Variants in AGBL4 observed in about 807,000 individuals in gnomAD.
AGBL4 encodes cytosolic carboxypeptidase 6.
Under a neutral mutation model 66.4 loss-of-function variants are expected in AGBL4, and 58 were observed. That is an observed-to-expected ratio of 0.87 (90% CI 0.71 to 1.09). AGBL4 has a LOEUF of 1.09. Among genes scored for constraint, AGBL4 ranks in the 50% least tolerant of loss-of-function variants. The pLI is 0.00. For missense variants in AGBL4, 579 were observed against 631.0 expected (o/e 0.92, Z 0.88); for synonymous variants, 234 against 222.9 (o/e 1.05, Z -0.44).
intron 1 of AGBL4, among the ~76,000 whole-genome samples, chr1:49,984,628 A>G (rs1659350710): frequency 6.6e-6 from 1 of 152,158 alleles, no homozygotes; most frequent in African/African-American, 2.4e-5. Flanking sequence ...CACACTTCCC[A>G]GCCTGCAGTA....
At chr1:49,436,736 G>A (rs929685069) in intron 3 of AGBL4, among the ~76,000 whole-genome samples, 1 of 152,132 alleles carries the variant, frequency 6.6e-6, no homozygotes, top group Non-Finnish European at 1.5e-5. Context: ...GGAAGGGGGT[G>A]TAGTTCCGAC....
At chr1:49,592,782 A>G (rs1404649577) in intron 3 of AGBL4, among the ~76,000 whole-genome samples, 2 of 152,182 alleles carry the variant, frequency 1.3e-5, no homozygotes, top group Non-Finnish European at 2.9e-5. Flanking sequence ...CATATATACT[A>G]TTGGTGGGAA....
intron 11 of AGBL4, among the ~76,000 whole-genome samples, chr1:48,541,283 T>C (rs1182650240): frequency 1.3e-5 from 2 of 152,144 alleles, no homozygotes; most frequent in African/African-American, 2.4e-5. Context: ...TCTCCTAGGT[T>C]TTCCCACAAC....
rs533302352 is a variant in AGBL4, at chr1:49,098,795, C to T, written c.378-52995G>A. Among the ~76,000 whole-genome samples, 36 of 152,288 alleles carry T rather than the reference C, an allele frequency of 2.4e-4. No homozygotes were observed. The East Asian group carries it at 3.3e-3, about 14-fold the overall frequency. ...CTTCACAGGTGAGGCTGGAGCTTGG[C>T]GCACACTGCCTTTCTCCCACATGTG... On this transcript the variant is annotated intron_variant, in intron 4 of 13. Coordinates refer to ENST00000371839, the MANE Select transcript of AGBL4 (RefSeq NM_032785.4).
At chr1:49,017,928 C>G (rs1307271818) in intron 5 of AGBL4, among the ~76,000 whole-genome samples, 1 of 152,094 alleles carries the variant, frequency 6.6e-6, no homozygotes, top group African/African-American at 2.4e-5. Context: ...AGAAGACAAC[C>G]TAGAGGAAGA....
chr1:49,180,484 G>T (rs1389837446), intron 4 of AGBL4, among the ~76,000 whole-genome samples: 1 of 152,152 alleles, frequency 6.6e-6, no homozygotes, highest in African/African-American at 2.4e-5. Flanking sequence ...GCTCAGAAAG[G>T]TTAAATCATC....
chr1:49,312,158 T>G (rs944779875), intron 3 of AGBL4, among the ~76,000 whole-genome samples: 1 of 152,012 alleles, frequency 6.6e-6, no homozygotes, highest in South Asian at 2.1e-4. Context: ...TATTAAGAGG[T>G]GGCACCTTTA....
intron 3 of AGBL4, among the ~76,000 whole-genome samples, chr1:49,497,015 A>G (rs1321750345): frequency 1.3e-5 from 2 of 151,912 alleles, no homozygotes; most frequent in Non-Finnish European, 1.5e-5. Flanking sequence ...CCTTTTCTCC[A>G]TATCATGGTT....
intron 4 of AGBL4, among the ~76,000 whole-genome samples, chr1:49,207,591 T>TTTCTTTCTTTCTTTCTTTCTTTCTTTCC: frequency 6.7e-6 from 1 of 148,460 alleles, no homozygotes; most frequent in Non-Finnish European, 1.5e-5. Context: ...TCTTTCTTTC[T>TTTCTTTCTTTCTTTCTTTCTTTCTTTCC]TTCTTTCTTT....
intron 1 of AGBL4, among the ~76,000 whole-genome samples, chr1:50,021,226 C>T (rs775126845): frequency 6.6e-6 from 1 of 152,144 alleles, no homozygotes; most frequent in African/African-American, 2.4e-5. Context: ...CCAGTCGCAC[C>T]TTCTCAGTCT....
intron 1 of AGBL4, among the ~76,000 whole-genome samples, chr1:49,877,925 A>T (rs1308059816): frequency 6.6e-6 from 1 of 152,098 alleles, no homozygotes; most frequent in Non-Finnish European, 1.5e-5. Flanking sequence ...CATTTCTTCT[A>T]GATTTTCTAG....
chr1:49,241,717 G>A (rs1236077777), intron 4 of AGBL4, among the ~76,000 whole-genome samples: 1 of 151,904 alleles, frequency 6.6e-6, no homozygotes, highest in Non-Finnish European at 1.5e-5. Context: ...AGAAAGAGAG[G>A]AGGGAGAAAA....
intron 5 of AGBL4, among the ~76,000 whole-genome samples, chr1:48,945,385 T>C (rs1656411900): frequency 6.6e-6 from 1 of 152,184 alleles, no homozygotes; most frequent in South Asian, 2.1e-4. Flanking sequence ...GGGACCATAC[T>C]GAGTCCCAGG....
At chr1:48,758,017 T>C (rs1644036654) in intron 6 of AGBL4, among the ~76,000 whole-genome samples, 1 of 152,196 alleles carries the variant, frequency 6.6e-6, no homozygotes, top group African/African-American at 2.4e-5. Context: ...TAAGCAGTCA[T>C]TTCTTCCGGC....
chr1:48,645,241 C>T (rs991776591), intron 8 of AGBL4, among the ~76,000 whole-genome samples: 2 of 152,112 alleles, frequency 1.3e-5, no homozygotes, highest in African/African-American at 2.4e-5. Context: ...GGAGAGAGTC[C>T]CTGGGAGGTA....
At chr1:49,221,575 C>A (rs1416435980) in intron 4 of AGBL4, among the ~76,000 whole-genome samples, 1 of 152,288 alleles carries the variant, frequency 6.6e-6, no homozygotes, top group African/African-American at 2.4e-5. Context: ...TATTCCCTTG[C>A]ATCGCATTTC....
At chr1:49,620,651 C>CCTTTTCCTCATATAT (rs1051927607) in intron 3 of AGBL4, among the ~76,000 whole-genome samples, 2 of 152,076 alleles carry the variant, frequency 1.3e-5, no homozygotes, top group Non-Finnish European at 2.9e-5. Context: ...AAAGTTTGCT[C>CCTTTTCCTCATATAT]AGGTTCACTT....
At chr1:49,539,928 A>G (rs1558033182) in intron 3 of AGBL4, among the ~76,000 whole-genome samples, 1 of 152,130 alleles carries the variant, frequency 6.6e-6, no homozygotes, top group Non-Finnish European at 1.5e-5. Context: ...TTTGGAGTGG[A>G]GTGTTCATAT....
At chr1:49,463,624 C>CT (rs1395624388) in intron 3 of AGBL4, among the ~76,000 whole-genome samples, 1 of 151,664 alleles carries the variant, frequency 6.6e-6, no homozygotes, top group Admixed American at 6.6e-5. Flanking sequence ...TAAAGAAAGA[C>CT]ATTCATTAGA....
Sources: gnomAD v4.1 joint callset for allele counts (sites outside exome capture counted in the v4.1 genomes callset) on GRCh38, gnomAD v4.1.1 for gene constraint, MANE v1.5 for transcripts, NCBI Gene and HGNC (gene_info 2026-07-23, HGNC 2026-07-21) for gene names.